Variants in PM20D1 observed in about 807,000 individuals in gnomAD.
The protein encoded by PM20D1 is N-fatty-acyl-amino acid synthase/hydrolase PM20D1.
Under a neutral mutation model 53.8 loss-of-function variants are expected in PM20D1, and 53 were observed. That is an observed-to-expected ratio of 0.98 (90% CI 0.79 to 1.24). PM20D1 has a LOEUF of 1.24. Ranked by LOEUF, PM20D1 falls within the 50% of genes most tolerant of loss-of-function variation. PM20D1 has a pLI of 0.00. For synonymous variants in PM20D1, 239 were observed against 241.3 expected (o/e 0.99, Z 0.09); for missense variants, 564 against 616.8 (o/e 0.91, Z 0.91).
intron 12 of PM20D1, chr1:205,829,717 G>A (rs901589830): frequency 1.3e-5 from 2 of 152,782 alleles, no homozygotes; most frequent in African/African-American, 2.4e-5. Context: ...AAGTCTGGAC[G>A]TGATAAGTAG....
At chr1:205,845,281 T>G (rs1656924158) in intron 3 of PM20D1, 44 bp downstream of exon 3, 5 of 1,579,796 alleles carry the variant, frequency 3.2e-6, no homozygotes, top group Non-Finnish European at 3.5e-6. Flanking sequence ...CCATCCTGAT[T>G]GATCTTTAGG....
chr1:205,833,599 C>T (rs533426933), intron 10 of PM20D1, among the ~76,000 whole-genome samples: 32 of 152,300 alleles, frequency 2.1e-4, no homozygotes, highest in South Asian at 6.2e-4. Context: ...CTGTCTGAAA[C>T]GACTAGAGTG....
At chr1:205,835,446 A>G (rs1656661677) in intron 10 of PM20D1, among the ~76,000 whole-genome samples, 1 of 152,018 alleles carries the variant, frequency 6.6e-6, no homozygotes, top group African/African-American at 2.4e-5. Context: ...AGGTCAGGAG[A>G]TCGAGACCAT....
intron 2 of PM20D1, 84 bp from the exon 3 acceptor site, chr1:205,845,641 T>G (rs1232710407): frequency 8.5e-7 from 1 of 1,169,890 alleles, no homozygotes; most frequent in Non-Finnish European, 1.2e-6. Context: ...CCTGTTCCTT[T>G]ATTTATTTAT....
At chr1:205,831,096 T>G (rs1558089790) in intron 11 of PM20D1, among the ~76,000 whole-genome samples, 1 of 152,314 alleles carries the variant, frequency 6.6e-6, no homozygotes, top group East Asian at 1.9e-4. Flanking sequence ...AGTGCCAGGA[T>G]ACTCTCTTTC....
At chr1:205,829,939 G>C (rs1310568981) in intron 12 of PM20D1, 1 of 204,468 alleles carries the variant, frequency 4.9e-6, no homozygotes, top group Non-Finnish European at 9.9e-6. Context: ...TCCCCATTTT[G>C]TAAGTGGAGA....
chr1:205,828,891 C>A, intron 12 of PM20D1, 148 bp from the exon 13 acceptor site: 1 of 1,036,050 alleles, frequency 9.7e-7, no homozygotes, highest in Admixed American at 2.8e-5. Context: ...AAGGGAGGGG[C>A]CATCTGAGAT....
intron 7 of PM20D1, 99 bp from the exon 8 acceptor site, chr1:205,842,314 C>T (rs1656830820): frequency 9.0e-7 from 1 of 1,114,782 alleles, no homozygotes. Flanking sequence ...CTCAGGGGCC[C>T]TTAGCAGTCA....
chr1:205,841,690 G>A, intron 9 of PM20D1, 121 bp downstream of exon 9: 1 of 1,027,094 alleles, frequency 9.7e-7, no homozygotes, highest in Non-Finnish European at 1.5e-6. Flanking sequence ...GTCTTTGCGT[G>A]GCTAGGCTTG....
chr1:205,830,896 A>G (rs1045050718), intron 11 of PM20D1, among the ~76,000 whole-genome samples: 3 of 152,068 alleles, frequency 2.0e-5, no homozygotes, highest in Non-Finnish European at 4.4e-5. Context: ...GCCATTTGCT[A>G]TTTAAGAAAC....
intron 10 of PM20D1, among the ~76,000 whole-genome samples, chr1:205,834,862 G>A (rs2102524574): frequency 6.6e-6 from 1 of 151,878 alleles, no homozygotes; most frequent in South Asian, 2.1e-4. Context: ...GGCCAGGCAG[G>A]GACTGTGTCT....
chr1:205,831,444 G>A (rs1233244245), intron 11 of PM20D1, among the ~76,000 whole-genome samples: 1 of 152,116 alleles, frequency 6.6e-6, no homozygotes, highest in Non-Finnish European at 1.5e-5. Context: ...TGTGAGGGCC[G>A]GGTTCCTGGA....
At chr1:205,836,019 G>T (rs985267657) in intron 10 of PM20D1, among the ~76,000 whole-genome samples, 1 of 152,108 alleles carries the variant, frequency 6.6e-6, no homozygotes, top group Non-Finnish European at 1.5e-5. Context: ...GGGATTACAG[G>T]TGCCCACCAC....
At chr1:205,831,420 G>A (rs1394753799) in intron 11 of PM20D1, among the ~76,000 whole-genome samples, 1 of 152,160 alleles carries the variant, frequency 6.6e-6, no homozygotes, top group Non-Finnish European at 1.5e-5. Context: ...GGCCAAGAGA[G>A]GAGAATCTGG....
Position 205,841,883 on chromosome 1 carries a change from C to T in PM20D1, c.972G>A (p.Met324Ile). Residue 324 changes from methionine (M) to isoleucine (I), a missense_variant, in exon 9 of 13, where the codon ATG becomes ATA. By Grantham distance (10) the Met-to-Ile change is conservative. Transcript: ENST00000367136. The stretch of plus-strand genomic sequence containing the variant: ...TTGCATTGGTTAAGGGATTTCTCTC[C>T]ATAAACCTAAAACAAAAGGACCAAG... ...WLFEPLISRF[M>I]ERNPLTNAII... is the part of the protein sequence containing the mutation. 1 of 1,560,092 alleles carries T rather than the reference C, an allele frequency of 6.4e-7. No individual in the cohort carries two copies. The highest frequency in any genetic ancestry group is 8.7e-7 in the Non-Finnish European group (1 of 1,150,312).
At position 205,847,006 on chromosome 1, in the gene PM20D1, CTTTTTTTTTT is replaced by C. The variant is rs778538865; in HGVS notation, c.256+869_256+878del. Among the ~76,000 whole-genome samples the C allele has an allele frequency of 7.8e-4, 35 of 44,674 alleles. No homozygotes were observed. The East Asian group carries it at 0.014, about 18-fold the overall frequency. 29.3% of individuals were successfully genotyped at this position (44,674 alleles called of 152,430 possible). Reference sequence around the variant, plus strand: ...TTTTTGTTTTTTCCTTCCTTCCTTTCTTTTTTTTTTTTTTTTTTTTTTTTTTTCAGAGACA... The same window carrying C: ...TTTTTGTTTTTTCCTTCCTTCCTTTCTTTTTTTTTTTTTTTTTCAGAGACA... On this transcript the variant is annotated intron_variant, in intron 2 of 12. Coordinates refer to ENST00000367136, the MANE Select transcript of PM20D1 (RefSeq NM_152491.5).
rs1656929931 is a variant in PM20D1 at position 205,845,402 on chromosome 1, C to T, written c.412G>A (p.Val138Met). ...CGCTCCAACCCAGAGAATGGGGGCA[C>T]CTCCCAGCCTTCTTCAGGGGCAGGC... The part of the protein sequence containing the change: ...VVPAPEEGWE[V>M]PPFSGLERDG... The change falls in exon 3 of 13, where the codon GTG (valine) becomes ATG (methionine). Residue 138 changes from valine to methionine, a missense_variant. Val to Met is a conservative substitution (Grantham distance 21). Coordinates refer to ENST00000367136, the MANE Select transcript of PM20D1 (RefSeq NM_152491.5). 1 of 1,614,092 alleles carries T rather than the reference C, an allele frequency of 6.2e-7. No homozygotes were observed. Among genetic ancestry groups the T allele is most frequent in the Non-Finnish European group, 8.5e-7 (1 of 1,180,052 alleles).
intron 10 of PM20D1, among the ~76,000 whole-genome samples, chr1:205,835,202 A>G (rs991764415): frequency 1.3e-5 from 2 of 152,214 alleles, no homozygotes; most frequent in African/African-American, 4.8e-5. Flanking sequence ...AAGGAAGGAT[A>G]TGAAACTGAC....
chr1:205,830,939 CCTTTATT>C (rs1210304242), intron 11 of PM20D1, among the ~76,000 whole-genome samples: 1 of 152,220 alleles, frequency 6.6e-6, no homozygotes, highest in African/African-American at 2.4e-5. Context: ...TATCACCTGA[CCTTTATT>C]CTGTATCACT....
Sources: gnomAD v4.1 joint callset for allele counts (sites outside exome capture counted in the v4.1 genomes callset) on GRCh38, gnomAD v4.1.1 for gene constraint, MANE v1.5 for transcripts, NCBI Gene and HGNC (gene_info 2026-07-23, HGNC 2026-07-21) for gene names.